Variants in CSMD1 observed in about 807,000 individuals in gnomAD.
CSMD1 encodes CUB and Sushi multiple domains 1, also known as CUB and sushi domain-containing protein 1.
CSMD1 carries 213 observed loss-of-function variants against 417.5 expected under a neutral mutation model. That is an observed-to-expected ratio of 0.51 (90% CI 0.46 to 0.57). The LOEUF (loss-of-function observed/expected upper bound fraction) is 0.57, where lower values mean the gene tolerates loss of function less well. Among genes scored for constraint, CSMD1 ranks in the 20% least tolerant of loss-of-function variants. The pLI, the probability that CSMD1 is intolerant of heterozygous loss-of-function variation, is 0.00. For synonymous variants in CSMD1, 2,862 were observed against 1,736.8 expected, an observed-to-expected ratio of 1.65 and a Z score of -16.11; for missense variants, 6,923 against 4,529.7, an observed-to-expected ratio of 1.53 and a Z score of -15.17.
intron 1 of CSMD1, among the ~76,000 whole-genome samples, chr8:4,961,796 T>C (rs1327525337): frequency 2.0e-5 from 3 of 151,064 alleles, no homozygotes; most frequent in Non-Finnish European, 4.4e-5. Context: ...TTTTGTATTG[T>C]TTGACAAATA....
intron 3 of CSMD1, among the ~76,000 whole-genome samples, chr8:4,161,599 T>A (rs969039861): frequency 6.6e-6 from 1 of 152,160 alleles, no homozygotes; most frequent in Non-Finnish European, 1.5e-5. Context: ...TTTTGATCTA[T>A]ACCTGTTAAA....
intron 3 of CSMD1, among the ~76,000 whole-genome samples, chr8:4,319,766 C>T (rs924533588): frequency 4.6e-5 from 7 of 152,124 alleles, no homozygotes; most frequent in Admixed American, 1.3e-4. Flanking sequence ...GCTAGAGTTG[C>T]CGGGCAAAAT....
At chr8:4,786,858 G>A (rs548601209) in intron 1 of CSMD1, among the ~76,000 whole-genome samples, 1 of 152,202 alleles carries the variant, frequency 6.6e-6, no homozygotes, top group Admixed American at 6.5e-5. Flanking sequence ...ATACTTCCAA[G>A]AAAATAGTAA....
chr8:4,048,057 T>C (rs1270557445), intron 3 of CSMD1, among the ~76,000 whole-genome samples: 4 of 152,162 alleles, frequency 2.6e-5, no homozygotes, highest in Admixed American at 1.3e-4. Context: ...AATTCATTCT[T>C]TTCCAAATAT....
intron 26 of CSMD1, among the ~76,000 whole-genome samples, chr8:3,249,037 C>T (rs1010701213): frequency 3.3e-5 from 5 of 152,084 alleles, no homozygotes; most frequent in Admixed American, 2.6e-4. Context: ...GTTGATAAAC[C>T]AAGTAGCTTC....
intron 5 of CSMD1, among the ~76,000 whole-genome samples, chr8:3,877,252 C>A (rs762010313): frequency 2.0e-5 from 3 of 152,104 alleles, no homozygotes; most frequent in Non-Finnish European, 4.4e-5. Flanking sequence ...CTACAGTGAG[C>A]AGATGTCCTG....
chr8:3,058,075 C>T (rs932449169), intron 49 of CSMD1, among the ~76,000 whole-genome samples: 1 of 152,122 alleles, frequency 6.6e-6, no homozygotes, highest in Non-Finnish European at 1.5e-5. Context: ...TCTTCTTATT[C>T]TGCACCTATT....
chr8:4,136,241 C>A lies in CSMD1; in HGVS notation c.416-104142G>T, dbSNP rs186311253. Among the ~76,000 whole-genome samples, 472 of 152,204 alleles carry A rather than the reference C, an allele frequency of 3.1e-3. 1 individual carries two copies. Among genetic ancestry groups the A allele is most frequent in the African/African-American group, 0.01 (431 of 41,544 alleles). Reference sequence around the variant, plus strand: ...CATATATAGAAATGAACTATTGAACCAGACTTGACAGATTGTAACTTGAAC... The same window carrying A: ...CATATATAGAAATGAACTATTGAACAAGACTTGACAGATTGTAACTTGAAC... On this transcript the variant is annotated intron_variant, in intron 3 of 69. Transcript: ENST00000635120.
chr8:4,849,638 A>G (rs1262526566), intron 1 of CSMD1, among the ~76,000 whole-genome samples: 1 of 152,180 alleles, frequency 6.6e-6, no homozygotes, highest in Non-Finnish European at 1.5e-5. Context: ...TCTAATACAC[A>G]AATACTTGAT....
chr8:4,482,510 G>T (rs532628867), intron 2 of CSMD1, among the ~76,000 whole-genome samples: 3 of 152,254 alleles, frequency 2.0e-5, no homozygotes, highest in South Asian at 4.1e-4. Flanking sequence ...GGGCATTTAG[G>T]TTGACTCCAT....
At chr8:4,220,391 T>C (rs1452812224) in intron 3 of CSMD1, among the ~76,000 whole-genome samples, 2 of 152,178 alleles carry the variant, frequency 1.3e-5, no homozygotes, top group East Asian at 1.9e-4. Flanking sequence ...CAGAGGCCTC[T>C]AGACAACGGT....
At chr8:3,986,770 T>G (rs200391430) in intron 5 of CSMD1, among the ~76,000 whole-genome samples, 1 of 145,288 alleles carries the variant, frequency 6.9e-6, no homozygotes, top group African/African-American at 2.6e-5. Flanking sequence ...TTTTTCTTTT[T>G]TTTTAGATGG....
chr8:3,404,030 G>C (rs1188292461), intron 15 of CSMD1, among the ~76,000 whole-genome samples: 1 of 152,116 alleles, frequency 6.6e-6, no homozygotes, highest in East Asian at 1.9e-4. Context: ...GTATGAAAAG[G>C]GTGAACATCA....
At chr8:3,407,767 T>C in intron 14 of CSMD1, 132 bp downstream of exon 14, 2 of 802,382 alleles carry the variant, frequency 2.5e-6, no homozygotes, top group Non-Finnish European at 3.9e-6. Context: ...ATTTTACTAC[T>C]GTCATTTTCA....
At chr8:3,409,045 G>A (rs1434661897) in intron 13 of CSMD1, among the ~76,000 whole-genome samples, 1 of 152,120 alleles carries the variant, frequency 6.6e-6, no homozygotes, top group East Asian at 1.9e-4. Context: ...GCTCGCACTG[G>A]TGAACAACTT....
intron 3 of CSMD1, among the ~76,000 whole-genome samples, chr8:4,269,444 G>A (rs182267499): frequency 3.7e-4 from 57 of 152,216 alleles, no homozygotes; most frequent in African/African-American, 1.3e-3. Flanking sequence ...TCTCTCTGAA[G>A]TTTAATCAAG....
chr8:3,327,587 C>T (rs934409283), intron 23 of CSMD1, among the ~76,000 whole-genome samples: 2 of 152,092 alleles, frequency 1.3e-5, no homozygotes, highest in Non-Finnish European at 2.9e-5. Flanking sequence ...ATGTTGTACT[C>T]AATAAGAATT....
chr8:4,669,200 C>T lies in CSMD1; in HGVS notation c.86-31642G>A, dbSNP rs77647909. Reference sequence around the variant, plus strand: ...AATACTTTGCCTTCTCTTGCTGTCTCTCTTGCTTTTAGTTCCCTTAATGGG... The same window carrying T: ...AATACTTTGCCTTCTCTTGCTGTCTTTCTTGCTTTTAGTTCCCTTAATGGG... On this transcript the variant is annotated intron_variant, in intron 1 of 69. Transcript: ENST00000635120. 4.1e-4 allele frequency among the ~76,000 whole-genome samples: 63 copies of T among 152,254 alleles called. No individual in the cohort carries two copies. The East Asian group carries it at 9.1e-3, about 22-fold the overall frequency.
intron 3 of CSMD1, among the ~76,000 whole-genome samples, chr8:4,250,771 A>G (rs1296651897): frequency 3.9e-5 from 6 of 152,216 alleles, no homozygotes; most frequent in African/African-American, 1.4e-4. Flanking sequence ...TAAATATGCC[A>G]GTAACTCAAA....
Sources: allele counts gnomAD v4.1 joint callset (sites outside exome capture counted in the v4.1 genomes callset), GRCh38; gene constraint gnomAD v4.1.1; transcripts MANE v1.5; gene names NCBI Gene and HGNC (gene_info 2026-07-23, HGNC 2026-07-21).